NR1D2: variants seen among roughly 807,000 people sequenced by gnomAD.
The protein encoded by NR1D2 is V-erbA-related protein 1-related.
In NR1D2, 25 loss-of-function variants were observed where a neutral mutation model predicts 52.2. The ratio of observed to expected loss-of-function variants is 0.48; its 90% CI spans 0.35 to 0.67. NR1D2 has a LOEUF of 0.67. NR1D2 is among the 30% of genes least tolerant of loss of function. The pLI is 0.01. For missense variants in NR1D2, 681 were observed against 707.2 expected (o/e 0.96, Z 0.42); for synonymous variants, 259 against 230.1 (o/e 1.13, Z -1.14).
chr3:23,967,861 G>T lies in NR1D2; in HGVS notation c.1381G>T (p.Val461Phe). 4 of 1,614,070 alleles carry T rather than the reference G, an allele frequency of 2.5e-6. No individual in the cohort carries two copies. The highest frequency in any genetic ancestry group is 3.4e-6 in the Non-Finnish European group (4 of 1,179,982). Residue 461 changes from valine to phenylalanine, a missense_variant, in exon 7 of 8, where the codon GTC becomes TTC. This residue lies in a region of NR1D2 where 475 missense variants were observed against 454.5 expected (regional missense o/e 1.05). Coordinates refer to ENST00000312521, the MANE Select transcript of NR1D2 (RefSeq NM_005126.5). ...ATTATTTGATGCAAAGGAACGTACTGTCACCTTTTTAAGTGGAAAGAAATA... is the reference window on the plus strand; with the variant it reads ...ATTATTTGATGCAAAGGAACGTACTTTCACCTTTTTAAGTGGAAAGAAATA... ...ASLFDAKERTVTFLSGKKYSV... is the reference protein window; with the variant it reads ...ASLFDAKERTFTFLSGKKYSV...
chr3:23,969,756 C>T lies in NR1D2; in HGVS notation c.1543+1733C>T, dbSNP rs374879844. Reference sequence around the variant, plus strand: ...CACAAAGAGCTTTATGCTACTAAACCGTGTAGTTCTCTGTCTGAGGTAAGC... The same window carrying T: ...CACAAAGAGCTTTATGCTACTAAACTGTGTAGTTCTCTGTCTGAGGTAAGC... On this transcript the variant is annotated intron_variant, in intron 7 of 7. Coordinates refer to ENST00000312521, the MANE Select transcript of NR1D2 (RefSeq NM_005126.5). Among the ~76,000 whole-genome samples, 8 of 152,232 alleles carry T rather than the reference C, an allele frequency of 5.3e-5. No homozygotes were observed. The East Asian group carries it at 7.7e-4, about 15-fold the overall frequency.
chr3:23,946,383 T>C, intron 1 of NR1D2: 1 of 812,562 alleles, frequency 1.2e-6, no homozygotes, highest in South Asian at 5.6e-5. Flanking sequence ...AGGAGGCGCC[T>C]CGGGGAAGGC....
intron 4 of NR1D2, among the ~76,000 whole-genome samples, chr3:23,961,400 T>G (rs1261918165): frequency 6.9e-6 from 1 of 144,800 alleles, no homozygotes; most frequent in African/African-American, 2.6e-5. Context: ...TTTTTTTTTT[T>G]TTTTTTTTTT....
Position 23,952,020 on chromosome 3 carries a change from G to A in NR1D2, c.17-2517G>A, listed in dbSNP as rs150923242. Among the ~76,000 whole-genome samples, 125 of 152,316 alleles carry A rather than the reference G, an allele frequency of 8.2e-4. 1 individual carries two copies. The East Asian group carries it at 0.021, about 25-fold the overall frequency. On this transcript the variant is annotated intron_variant, in intron 1 of 7. Transcript: ENST00000312521. The stretch of plus-strand genomic sequence containing the variant: ...GATGAAGTAGTTGGCTTGTGGCAGT[G>A]TTCTTCAAACTTGGATGTGCATCAG...
At chr3:23,970,567 A>G (rs1706559928) in intron 7 of NR1D2, among the ~76,000 whole-genome samples, 1 of 152,196 alleles carries the variant, frequency 6.6e-6, no homozygotes, top group Non-Finnish European at 1.5e-5. Flanking sequence ...TCGCCTATCC[A>G]TCTATCCATT....
At chr3:23,949,586 C>T (rs761555214) in intron 1 of NR1D2, among the ~76,000 whole-genome samples, 1 of 152,164 alleles carries the variant, frequency 6.6e-6, no homozygotes, top group South Asian at 2.1e-4. Flanking sequence ...CCCCAGTTGG[C>T]CTATAAGGCA....
intron 7 of NR1D2, among the ~76,000 whole-genome samples, chr3:23,971,705 C>CCTTTA (rs5847265): frequency 0.76 from 114,948 of 151,592 alleles, 44,015 homozygotes; most frequent in African/African-American, 0.82. Flanking sequence ...CAGTTTTTGA[C>CCTTTA]CTTATACATA....
intron 3 of NR1D2, among the ~76,000 whole-genome samples, chr3:23,959,255 T>G (rs1439170915): frequency 3.0e-5 from 4 of 134,086 alleles, no homozygotes; most frequent in African/African-American, 1.1e-4. Context: ...CAGAACGAGA[T>G]CCTATCTCAA....
chr3:23,980,439 C>T lies in NR1D2; in HGVS notation c.*3020C>T, dbSNP rs1013646818. On this transcript the variant is annotated 3_prime_UTR_variant, in exon 8 of 8. Transcript: ENST00000312521. ...GATAAAACTTGAAGCTATTCTGGAA[C>T]TAACATGGAAAAATGAAATGGCTAT... 6.6e-6 allele frequency: 1 copy of T among 151,706 alleles called. No individual in the cohort carries two copies. The highest frequency in any genetic ancestry group is 2.4e-5 in the African/African-American group (1 of 41,266). The allele number at this position is 151,706 out of a possible 1,614,324, so 9.4% of individuals were successfully genotyped here.
chr3:23,958,639 C>CT (rs1706148939), intron 3 of NR1D2, among the ~76,000 whole-genome samples: 1 of 93,526 alleles, frequency 1.1e-5, no homozygotes, highest in Admixed American at 1.3e-4. Context: ...GACCCTGTCT[C>CT]TTTAAAAAAA....
intron 1 of NR1D2, among the ~76,000 whole-genome samples, chr3:23,951,447 TA>T (rs1239674843): frequency 6.6e-6 from 1 of 152,266 alleles, no homozygotes; most frequent in East Asian, 1.9e-4. Context: ...TTTGTCTTTG[TA>T]AAGTGTCCTA....
intron 4 of NR1D2, 56 bp downstream of exon 4, chr3:23,959,871 C>T: frequency 6.6e-7 from 1 of 1,523,052 alleles, no homozygotes; most frequent in South Asian, 1.3e-5. Context: ...GCTTTTATTC[C>T]TCATCATGAA....
At chr3:23,948,218 A>G (rs758961432) in intron 1 of NR1D2, among the ~76,000 whole-genome samples, 2 of 152,088 alleles carry the variant, frequency 1.3e-5, no homozygotes, top group Admixed American at 6.6e-5. Context: ...CCTTCCCTCT[A>G]GTTTGGTTAT....
At position 23,967,094 on chromosome 3, in the gene NR1D2, G is replaced by C. The variant is rs191171709; in HGVS notation, c.1333-719G>C. On this transcript the variant is annotated intron_variant, in intron 6 of 7. Coordinates refer to ENST00000312521, the MANE Select transcript of NR1D2 (RefSeq NM_005126.5). ...TAATTCTAGCACTTTGGGAAGCCGAGATGGGTGGATCACCTAAGGTCACGA... is the reference window on the plus strand; with the variant it reads ...TAATTCTAGCACTTTGGGAAGCCGACATGGGTGGATCACCTAAGGTCACGA... Among the ~76,000 whole-genome samples, 166 of 152,286 alleles carry C rather than the reference G, an allele frequency of 1.1e-3. 4 individuals carry two copies. In the Middle Eastern group the frequency reaches 0.017, roughly 16 times the overall value.
At chr3:23,960,311 A>T (rs1401308399) in intron 4 of NR1D2, among the ~76,000 whole-genome samples, 2 of 152,134 alleles carry the variant, frequency 1.3e-5, no homozygotes, top group Non-Finnish European at 2.9e-5. Flanking sequence ...AGGCTAAGGC[A>T]GGAGAATAGC....
Position 23,956,059 on chromosome 3 carries a change from G to T in NR1D2, c.306G>T (p.Leu102=), listed in dbSNP as rs200998427. ...GVTKFSGMVL[L]CKVCGDVASG... is the part of the protein sequence containing the mutation. ...TAGAATTTAGTGGCATGGTTCTACTGTGTAAAGTCTGTGGGGATGTGGCGT... is the reference window on the plus strand; with the variant it reads ...TAGAATTTAGTGGCATGGTTCTACTTTGTAAAGTCTGTGGGGATGTGGCGT... The change falls in exon 3 of 8, where the codon CTG becomes CTT. Residue 102 remains leucine (L), a synonymous_variant. Coordinates refer to ENST00000312521, the MANE Select transcript of NR1D2 (RefSeq NM_005126.5). 1 of 1,613,888 alleles carries T rather than the reference G, an allele frequency of 6.2e-7. No individual in the cohort carries two copies. Among genetic ancestry groups the T allele is most frequent in the Admixed American group, 1.7e-5 (1 of 60,006 alleles).
intron 7 of NR1D2, among the ~76,000 whole-genome samples, chr3:23,970,793 T>C (rs1706567398): frequency 6.6e-6 from 1 of 152,192 alleles, no homozygotes; most frequent in Non-Finnish European, 1.5e-5. Context: ...TTTATTTTTA[T>C]TTTTGGAGAT....
At position 23,963,134 on chromosome 3, in the gene NR1D2, C is replaced by T. The variant is rs913439492; in HGVS notation, c.1146+529C>T. ...TCATAGGCTAATTTCTAAGGATTTT[C>T]TCAGACTTCATCTTATGAGATGACT... On this transcript the variant is annotated intron_variant, in intron 5 of 7. Coordinates refer to ENST00000312521, the MANE Select transcript of NR1D2 (RefSeq NM_005126.5). 9 of 480,358 alleles carry T rather than the reference C, an allele frequency of 1.9e-5. No individual in the cohort carries two copies. The Admixed American group carries it at 2.0e-4, about 11-fold the overall frequency. 29.8% of individuals were successfully genotyped at this position (480,358 alleles called of 1,614,324 possible).
Position 23,977,662 on chromosome 3 carries a change from C to G in NR1D2, c.*243C>G, listed in dbSNP as rs994367640. 3.4e-5 allele frequency: 11 copies of G among 327,434 alleles called. No homozygotes were observed. The highest frequency in any genetic ancestry group is 1.4e-4 in the Admixed American group (3 of 21,866). The allele number at this position is 327,434 out of a possible 1,614,324, so 20.3% of individuals were successfully genotyped here. ...TCGCACTTAAACTGGAGAAGTTACA[C>G]TGAAGTATAATCACACTGAATGTTA... is the stretch of plus-strand genomic sequence containing the variant. On this transcript the variant is annotated 3_prime_UTR_variant, in exon 8 of 8. Transcript: ENST00000312521.
Sources: gnomAD v4.1 joint callset for allele counts (sites outside exome capture counted in the v4.1 genomes callset) on GRCh38, gnomAD v4.1.1 for gene constraint, gnomAD v4.1.1 regional missense constraint, MANE v1.5 for transcripts, NCBI Gene and HGNC (gene_info 2026-07-23, HGNC 2026-07-21) for gene names.